Variants in ATAT1 observed in about 807,000 individuals in gnomAD.
ATAT1 encodes the protein alpha-tubulin N-acetyltransferase 1.
ATAT1 carries 42 observed loss-of-function variants against 57.2 expected under a neutral mutation model. The observed-to-expected ratio is 0.73, with a 90% confidence interval of 0.57 to 0.95. The LOEUF (loss-of-function observed/expected upper bound fraction) is 0.95. ATAT1 is among the 40% of genes least tolerant of loss of function. ATAT1 has a pLI of 0.00. For synonymous variants in ATAT1, 168 were observed against 187.1 expected (o/e 0.90, Z 0.83); for missense variants, 454 against 523.7 (o/e 0.87, Z 1.30).
At chr6:30,642,483 A>C (rs919573866) in intron 9 of ATAT1, among the ~76,000 whole-genome samples, 1 of 151,844 alleles carries the variant, frequency 6.6e-6, no homozygotes, top group Non-Finnish European at 1.5e-5. Context: ...TCTCTACTAA[A>C]AATACAAAAA....
intron 6 of ATAT1, among the ~76,000 whole-genome samples, chr6:30,632,268 TAA>T (rs3058942): frequency 2.5e-4 from 29 of 117,892 alleles, no homozygotes; most frequent in South Asian, 2.9e-4. Context: ...GACTCCTTCT[TAA>T]AAAAAAAAAA....
rs775759665 is a variant in ATAT1, at chr6:30,627,929, C to G, written c.285+18C>G. On this transcript the variant is annotated intron_variant, in intron 4 of 12. Coordinates refer to ENST00000330083, the MANE Select transcript of ATAT1 (RefSeq NM_001031722.4). ...TTGTACTGGTGAGTGTTATTGGATG[C>G]TAGGAGTTCGTATACCTTGGTTTCT... The G allele has an allele frequency of 3.7e-6, 6 of 1,612,522 alleles. No individual in the cohort carries two copies. Among genetic ancestry groups the G allele is most frequent in the Admixed American group, 1.7e-5 (1 of 60,010 alleles).
In ATAT1 at chr6:30,627,917, T is replaced by C; in HGVS notation, c.285+6T>C. Reference sequence around the variant, plus strand: ...ACAAGAAGCTCTTTGTACTGGTGAGTGTTATTGGATGCTAGGAGTTCGTAT... The same window carrying C: ...ACAAGAAGCTCTTTGTACTGGTGAGCGTTATTGGATGCTAGGAGTTCGTAT... On this transcript the variant is annotated splice_donor_region_variant and intron_variant, in intron 4 of 12. Transcript: ENST00000330083. The C allele has an allele frequency of 6.2e-7, 1 of 1,612,850 alleles. No homozygotes were observed. Among genetic ancestry groups the C allele is most frequent in the African/African-American group, 1.3e-5 (1 of 75,018 alleles).
intron 6 of ATAT1, among the ~76,000 whole-genome samples, chr6:30,630,660 A>C (rs1388565998): frequency 3.3e-5 from 5 of 151,106 alleles, no homozygotes; most frequent in African/African-American, 1.2e-4. Flanking sequence ...AAAAAGGGCC[A>C]GGCATGGTGG....
chr6:30,634,880 T>C (rs1378978232), intron 6 of ATAT1, among the ~76,000 whole-genome samples: 7 of 151,584 alleles, frequency 4.6e-5, no homozygotes, highest in Non-Finnish European at 1.0e-4. Context: ...CCCAGCTACT[T>C]GGGAGGCTGA....
chr6:30,627,281 C>T lies in ATAT1; in HGVS notation c.71+7C>T. 1 of 1,613,772 alleles carries T rather than the reference C, an allele frequency of 6.2e-7. No homozygotes were observed. On this transcript the variant is annotated splice_region_variant and intron_variant, in intron 1 of 12. Transcript: ENST00000330083. ...GAGTGTGCCACCTTGAAAGGTGTGA[C>T]AGAAGTTTGGGTTTCAGAAGGGTGG... is the stretch of plus-strand genomic sequence containing the variant.
chr6:30,632,178 A>T (rs1763029621), intron 6 of ATAT1, among the ~76,000 whole-genome samples: 1 of 151,564 alleles, frequency 6.6e-6, no homozygotes, highest in South Asian at 2.1e-4. Flanking sequence ...GAGGCAGGAG[A>T]ATCACTAGAA....
intron 6 of ATAT1, among the ~76,000 whole-genome samples, 188 bp downstream of exon 6, chr6:30,628,618 T>C (rs1028875833): frequency 2.6e-5 from 4 of 152,170 alleles, no homozygotes; most frequent in Non-Finnish European, 5.9e-5. Flanking sequence ...TTGATTTTTT[T>C]TTTTGAGATG....
rs762220115 is a variant in ATAT1 at position 30,645,948 on chromosome 6, G to A, written c.986G>A (p.Gly329Glu). The change falls in exon 11 of 13, where the codon GGG becomes GAG. Residue 329 changes from glycine (G) to glutamate (E), a missense_variant. Gly to Glu is a moderately conservative substitution (Grantham distance 98). This residue lies in a region of ATAT1 where 216 missense variants were observed against 222.2 expected (regional missense o/e 0.97). Transcript: ENST00000330083. ...AGCTGCTGCTACAGCCGCCATGGGG[G>A]GGTGAATTCCTCATCCCCCAATACA... 6.5e-6 allele frequency: 10 copies of A among 1,540,090 alleles called. No homozygotes were observed. In the Admixed American group the frequency reaches 1.2e-4, roughly 19 times the overall value.
chr6:30,631,226 G>A (rs1483999977), intron 6 of ATAT1, among the ~76,000 whole-genome samples: 2 of 152,128 alleles, frequency 1.3e-5, no homozygotes, highest in Non-Finnish European at 2.9e-5. Flanking sequence ...GCTCATGCCT[G>A]TAATCCCAGC....
intron 6 of ATAT1, among the ~76,000 whole-genome samples, 193 bp from the exon 7 acceptor site, chr6:30,640,184 C>T (rs1765106568): frequency 1.3e-5 from 2 of 151,780 alleles, no homozygotes; most frequent in Non-Finnish European, 2.9e-5. Context: ...CAGTAACATG[C>T]TGTACAGGTT....
At chr6:30,644,495 C>T in intron 10 of ATAT1, 1 of 985,850 alleles carries the variant, frequency 1.0e-6, no homozygotes, top group Non-Finnish European at 1.2e-6. Context: ...CCCCTCCCTA[C>T]CCTCTGAATG....
intron 6 of ATAT1, among the ~76,000 whole-genome samples, chr6:30,629,099 T>C (rs1483319434): frequency 1.3e-5 from 2 of 151,698 alleles, no homozygotes; most frequent in East Asian, 3.9e-4. Context: ...GAGGTCTCAC[T>C]ATGTTGCACT....
At chr6:30,644,730 C>A in intron 10 of ATAT1, 1 of 723,382 alleles carries the variant, frequency 1.4e-6, no homozygotes, top group Non-Finnish European at 1.7e-6. Flanking sequence ...GATCTCAGGA[C>A]CTCTGTCCCT....
chr6:30,645,677 G>A (rs1766583378), intron 10 of ATAT1, among the ~76,000 whole-genome samples: 1 of 152,188 alleles, frequency 6.6e-6, no homozygotes, highest in African/African-American at 2.4e-5. Flanking sequence ...AAAGAATAGA[G>A]CAATAAATCA....
At chr6:30,631,581 C>T (rs1187452714) in intron 6 of ATAT1, among the ~76,000 whole-genome samples, 1 of 151,022 alleles carries the variant, frequency 6.6e-6, no homozygotes, top group Non-Finnish European at 1.5e-5. Context: ...GAGTTCGAGA[C>T]TAGCCTAGGC....
In ATAT1 at chr6:30,637,826, A is replaced by C. The variant is rs141012827; in HGVS notation, c.502-2551A>C. Among the ~76,000 whole-genome samples the C allele has an allele frequency of 5.1e-3, 777 of 152,058 alleles. 12 individuals are homozygous for C. Among genetic ancestry groups the C allele is most frequent in the South Asian group, 0.051 (244 of 4,814 alleles). On this transcript the variant is annotated intron_variant, in intron 6 of 12. Coordinates refer to ENST00000330083, the MANE Select transcript of ATAT1 (RefSeq NM_001031722.4). The stretch of plus-strand genomic sequence containing the variant: ...CCCTGTCTCTACTGAAAATACAAAA[A>C]TTAGCTGGGCATGGTGGCGCATGCC...
chr6:30,628,471 A>G, intron 6 of ATAT1, 41 bp downstream of exon 6: 4 of 1,486,618 alleles, frequency 2.7e-6, no homozygotes, highest in Non-Finnish European at 3.7e-6. Flanking sequence ...GAGCATTCCC[A>G]TTGAATTTAT....
At position 30,629,148 on chromosome 6, in the gene ATAT1, C is replaced by T. The variant is rs868449516; in HGVS notation, c.501+718C>T. ...CTCCTGGCTCAAGAGATCCACCTGC[C>T]TCAGCCTCCCAAAGTGCTGGGATTA... On this transcript the variant is annotated intron_variant, in intron 6 of 12. Transcript: ENST00000330083. 3.3e-5 allele frequency among the ~76,000 whole-genome samples: 5 copies of T among 152,222 alleles called. No homozygotes were observed. In the Middle Eastern group the frequency reaches 0.014, roughly 414 times the overall value.
Sources: gnomAD v4.1 joint callset for allele counts (sites outside exome capture counted in the v4.1 genomes callset) on GRCh38, gnomAD v4.1.1 for gene constraint, gnomAD v4.1.1 regional missense constraint, MANE v1.5 for transcripts, NCBI Gene and HGNC (gene_info 2026-07-23, HGNC 2026-07-21) for gene names.